The following CNTNAP2 variants were observed in gnomAD, a reference collection of about 807,000 sequenced individuals.
The protein encoded by CNTNAP2 is contactin-associated protein-like 2.
Under a neutral mutation model 155.2 loss-of-function variants are expected in CNTNAP2, and 98 were observed. The observed-to-expected ratio is 0.63, with a 90% CI of 0.54 to 0.75. The LOEUF (loss-of-function observed/expected upper bound fraction) is 0.75, where lower values mean the gene tolerates loss of function less well. CNTNAP2 is among the 30% of genes least tolerant of loss of function. The pLI, the probability that CNTNAP2 is intolerant of heterozygous loss-of-function variation, is 0.00. For missense variants in CNTNAP2, 1,727 were observed against 1,688.1 expected, an observed-to-expected ratio of 1.02 and a Z score of -0.40; for synonymous variants, 651 against 631.2, an observed-to-expected ratio of 1.03 and a Z score of -0.47.
intron 1 of CNTNAP2, among the ~76,000 whole-genome samples, chr7:146,705,137 G>T (rs1018537105): frequency 3.3e-5 from 5 of 152,086 alleles, no homozygotes; most frequent in African/African-American, 1.2e-4. Flanking sequence ...CGTGATGAGA[G>T]CTTTTGGCTA....
intron 1 of CNTNAP2, among the ~76,000 whole-genome samples, chr7:146,550,661 A>G (rs982878948): frequency 3.3e-5 from 5 of 151,948 alleles, no homozygotes; most frequent in African/African-American, 1.2e-4. Flanking sequence ...ATCACAGTTG[A>G]TTCTAATTAA....
chr7:146,791,821 C>T (rs1203559095), intron 2 of CNTNAP2, among the ~76,000 whole-genome samples: 1 of 152,194 alleles, frequency 6.6e-6, no homozygotes, highest in Non-Finnish European at 1.5e-5. Flanking sequence ...AATTTAAATT[C>T]AAATAGATTT....
intron 1 of CNTNAP2, among the ~76,000 whole-genome samples, chr7:146,505,925 C>T (rs1251494156): frequency 6.6e-6 from 1 of 152,172 alleles, no homozygotes; most frequent in African/African-American, 2.4e-5. Context: ...TCTAGCCCCA[C>T]AAAGAGGTGG....
At chr7:148,148,363 C>T (rs1805235048) in intron 17 of CNTNAP2, among the ~76,000 whole-genome samples, 1 of 152,204 alleles carries the variant, frequency 6.6e-6, no homozygotes, top group Non-Finnish European at 1.5e-5. Context: ...AAAATTACTT[C>T]AAATTCATAC....
At chr7:146,379,801 G>A (rs140905322) in intron 1 of CNTNAP2, among the ~76,000 whole-genome samples, 54 of 152,120 alleles carry the variant, frequency 3.5e-4, no homozygotes, top group African/African-American at 1.2e-3. Context: ...TTTGGGTCAC[G>A]TCCTGAGATT....
intron 1 of CNTNAP2, among the ~76,000 whole-genome samples, chr7:146,636,588 G>C (rs995587872): frequency 6.6e-6 from 1 of 152,134 alleles, no homozygotes; most frequent in African/African-American, 2.4e-5. Flanking sequence ...CCTATGCTCA[G>C]ATACTAATTA....
intron 21 of CNTNAP2, among the ~76,000 whole-genome samples, chr7:148,353,750 A>G (rs930722376): frequency 3.7e-4 from 57 of 152,354 alleles, no homozygotes; most frequent in African/African-American, 1.3e-3. Context: ...TGAGATGGCT[A>G]TGATACAGAT....
chr7:148,295,633 C>T (rs28645142), intron 21 of CNTNAP2, among the ~76,000 whole-genome samples: 1 of 120,790 alleles, frequency 8.3e-6, no homozygotes, highest in East Asian at 2.1e-4. Context: ...CTGGGACTAC[C>T]GGTGCCCGCC....
At chr7:147,125,262 G>C (rs181155240) in intron 6 of CNTNAP2, among the ~76,000 whole-genome samples, 2 of 151,856 alleles carry the variant, frequency 1.3e-5, no homozygotes, top group Non-Finnish European at 2.9e-5. Flanking sequence ...TGATCTGCCC[G>C]CCTCAGCCTC....
At chr7:146,476,055 A>C (rs927321089) in intron 1 of CNTNAP2, among the ~76,000 whole-genome samples, 2 of 152,192 alleles carry the variant, frequency 1.3e-5, no homozygotes, top group Non-Finnish European at 2.9e-5. Flanking sequence ...TGAAACCGAA[A>C]ACGGAATCAG....
At chr7:146,526,832 A>T (rs1036809393) in intron 1 of CNTNAP2, among the ~76,000 whole-genome samples, 4 of 152,196 alleles carry the variant, frequency 2.6e-5, no homozygotes, top group African/African-American at 9.6e-5. Flanking sequence ...TTTAAGACTC[A>T]TTACATATAT....
At chr7:146,303,207 CTA>C (rs1800645368) in intron 1 of CNTNAP2, among the ~76,000 whole-genome samples, 1 of 151,744 alleles carries the variant, frequency 6.6e-6, no homozygotes, top group Admixed American at 6.6e-5. Context: ...GAAAAGAACA[CTA>C]TAGGAAATGA....
At chr7:146,694,255 A>G (rs1490509948) in intron 1 of CNTNAP2, among the ~76,000 whole-genome samples, 1 of 152,234 alleles carries the variant, frequency 6.6e-6, no homozygotes, top group East Asian at 1.9e-4. Context: ...ATTTGGGGTT[A>G]TGTGTAAACA....
intron 13 of CNTNAP2, among the ~76,000 whole-genome samples, chr7:147,792,613 G>A (rs1002630786): frequency 1.3e-5 from 2 of 151,924 alleles, no homozygotes. Flanking sequence ...TCAACTGAAG[G>A]ACAATTGAGT....
In CNTNAP2 at chr7:147,711,570, T is replaced by A. The variant is rs1342537070; in HGVS notation, c.2098+72264T>A. On this transcript the variant is annotated intron_variant, in intron 13 of 23. Transcript: ENST00000361727. ...GGAGGTCAGGAACGATGGGAGCATG[T>A]GGCAATCCAGACAGCTGCAGTCCCC... Among the ~76,000 whole-genome samples, 4 of 152,296 alleles carry A rather than the reference T, an allele frequency of 2.6e-5. No homozygotes were observed. The East Asian group carries it at 7.7e-4, about 29-fold the overall frequency.
intron 1 of CNTNAP2, among the ~76,000 whole-genome samples, chr7:146,136,370 A>T (rs766150975): frequency 6.6e-6 from 1 of 152,188 alleles, no homozygotes; most frequent in Non-Finnish European, 1.5e-5. Flanking sequence ...AGTCTTTTCT[A>T]TGATAATGGA....
chr7:147,258,737 ACCT>A (rs1804386864), intron 8 of CNTNAP2, among the ~76,000 whole-genome samples: 1 of 152,126 alleles, frequency 6.6e-6, no homozygotes. Context: ...GAGTTAAGTG[ACCT>A]CCTAAACTTG....
At chr7:147,678,022 T>C (rs1022795117) in intron 13 of CNTNAP2, among the ~76,000 whole-genome samples, 20 of 151,772 alleles carry the variant, frequency 1.3e-4, no homozygotes, top group Non-Finnish European at 2.9e-4. Flanking sequence ...GTTTAGGGTA[T>C]ATAATACAAT....
chr7:148,318,327 C>T (rs1049661456), intron 21 of CNTNAP2, among the ~76,000 whole-genome samples: 2 of 152,198 alleles, frequency 1.3e-5, no homozygotes, highest in Non-Finnish European at 2.9e-5. Flanking sequence ...ATTTCATTAG[C>T]AATGCGAATG....
Sources: gnomAD v4.1 joint callset for allele counts (sites outside exome capture counted in the v4.1 genomes callset) on GRCh38, gnomAD v4.1.1 for gene constraint, MANE v1.5 for transcripts, NCBI Gene and HGNC (gene_info 2026-07-23, HGNC 2026-07-21) for gene names.